Variants in CCDC88C observed in about 807,000 individuals in gnomAD.
CCDC88C encodes protein Daple.
A neutral mutation model predicts 198.8 loss-of-function variants in CCDC88C; 131 were observed. The observed-to-expected ratio is 0.66, with a 90% CI of 0.57 to 0.76. The LOEUF is 0.76. CCDC88C is among the 30% of genes least tolerant of loss of function. The pLI, the probability that CCDC88C is intolerant of heterozygous loss-of-function variation, is 0.00. For synonymous variants in CCDC88C, 1,166 were observed against 1,114.7 expected (o/e 1.05, Z -0.92); for missense variants, 2,553 against 2,631.6 (o/e 0.97, Z 0.65).
At chr14:91,295,989 G>A (rs966376916) in intron 22 of CCDC88C, among the ~76,000 whole-genome samples, 2 of 152,216 alleles carry the variant, frequency 1.3e-5, no homozygotes, top group African/African-American at 4.8e-5. Flanking sequence ...AAGCCAGGGA[G>A]AGGCCTTGGG....
chr14:91,296,294 CCT>C (rs965190710), intron 22 of CCDC88C, among the ~76,000 whole-genome samples: 1 of 152,244 alleles, frequency 6.6e-6, no homozygotes, highest in Non-Finnish European at 1.5e-5. Context: ...AAAAAGTACC[CCT>C]GTCCATTTCT....
At chr14:91,414,680 C>T (rs1470212012) in intron 2 of CCDC88C, among the ~76,000 whole-genome samples, 3 of 152,184 alleles carry the variant, frequency 2.0e-5, no homozygotes, top group Non-Finnish European at 2.9e-5. Flanking sequence ...TTTCCTCATT[C>T]TGGAAAGCCA....
intron 13 of CCDC88C, among the ~76,000 whole-genome samples, chr14:91,320,397 G>A: frequency 6.6e-6 from 1 of 152,376 alleles, no homozygotes; most frequent in East Asian, 1.9e-4. Flanking sequence ...AGGTGCTGGA[G>A]GGGCACCCGC....
At chr14:91,290,054 T>C (rs1043577251) in intron 24 of CCDC88C, among the ~76,000 whole-genome samples, 7 of 152,076 alleles carry the variant, frequency 4.6e-5, no homozygotes, top group African/African-American at 1.4e-4. Context: ...GTGGATCAAC[T>C]TGAGGTCAGG....
intron 3 of CCDC88C, among the ~76,000 whole-genome samples, chr14:91,364,290 A>T (rs1331465988): frequency 2.0e-5 from 3 of 151,836 alleles, no homozygotes; most frequent in Non-Finnish European, 4.4e-5. Context: ...GGTAGATTGC[A>T]CTCCTCCCCA....
intron 15 of CCDC88C, among the ~76,000 whole-genome samples, chr14:91,312,351 G>A (rs1410629104): frequency 6.6e-6 from 1 of 152,060 alleles, no homozygotes; most frequent in Non-Finnish European, 1.5e-5. Flanking sequence ...TCACACCACT[G>A]CACTCCAGCC....
chr14:91,337,972 C>T (rs368373700), intron 10 of CCDC88C, 33 bp downstream of exon 10: 55 of 1,604,430 alleles, frequency 3.4e-5, no homozygotes, highest in Non-Finnish European at 4.2e-5. Flanking sequence ...TTCCAGCAGC[C>T]CCATCCAGGG....
At chr14:91,344,362 C>A (rs759274922) in intron 4 of CCDC88C, among the ~76,000 whole-genome samples, 1 of 152,094 alleles carries the variant, frequency 6.6e-6, no homozygotes, top group African/African-American at 2.4e-5. Context: ...CAAACAGACA[C>A]GGGAGGACAG....
intron 3 of CCDC88C, among the ~76,000 whole-genome samples, chr14:91,372,714 C>T (rs543077006): frequency 2.0e-5 from 3 of 152,254 alleles, no homozygotes; most frequent in East Asian, 1.9e-4. Context: ...CCTGTCTGCA[C>T]GTTATCTAAA....
chr14:91,322,067 G>GA (rs1024612372), intron 12 of CCDC88C, among the ~76,000 whole-genome samples: 3 of 150,494 alleles, frequency 2.0e-5, no homozygotes, highest in Non-Finnish European at 3.0e-5. Flanking sequence ...TTGGGGAGGG[G>GA]AAAAAAAAAG....
At chr14:91,312,469 G>A (rs143136544) in intron 15 of CCDC88C, among the ~76,000 whole-genome samples, 3,164 of 152,232 alleles carry the variant, frequency 0.021, 127 homozygotes, top group African/African-American at 0.072. Flanking sequence ...GGTCACCTGA[G>A]GTCAGGCGTT....
At chr14:91,379,862 T>G (rs1227605242) in intron 3 of CCDC88C, 1 of 702,922 alleles carries the variant, frequency 1.4e-6, no homozygotes, top group Non-Finnish European at 2.6e-6. Context: ...GCAAGAAGTT[T>G]AGTTACCGGA....
chr14:91,274,615 A>G (rs1889879165), intron 29 of CCDC88C, among the ~76,000 whole-genome samples: 1 of 152,232 alleles, frequency 6.6e-6, no homozygotes, highest in African/African-American at 2.4e-5. Flanking sequence ...ACATGGTGCC[A>G]CTGGACAGAG....
intron 21 of CCDC88C, among the ~76,000 whole-genome samples, chr14:91,299,060 C>A (rs989367102): frequency 1.3e-5 from 2 of 152,208 alleles, no homozygotes; most frequent in African/African-American, 4.8e-5. Context: ...AATTAGTGAA[C>A]AGCGAAGCAT....
rs112270249 is a variant in CCDC88C at position 91,376,503 on chromosome 14, G to A, written c.271-16792C>T. 5.0e-3 allele frequency among the ~76,000 whole-genome samples: 763 copies of A among 152,316 alleles called. 3 individuals are homozygous for A. Among genetic ancestry groups the A allele is most frequent in the Non-Finnish European group, 8.4e-3 (572 of 68,022 alleles). The stretch of plus-strand genomic sequence containing the variant: ...AGGTAGTGAGGGACTTTTATCCACC[G>A]CCGTCTCTGGAGAGCCCACAGGTGG... On this transcript the variant is annotated intron_variant, in intron 3 of 29. Transcript: ENST00000389857.
chr14:91,340,226 G>C (rs1049416351), intron 6 of CCDC88C, among the ~76,000 whole-genome samples: 4 of 152,194 alleles, frequency 2.6e-5, no homozygotes, highest in Non-Finnish European at 5.9e-5. Flanking sequence ...TCTGCTTTCA[G>C]AACTGGGTCA....
rs1886368464 is a variant in CCDC88C at position 91,404,356 on chromosome 14, A to G, written c.270+4303T>C. On this transcript the variant is annotated intron_variant, in intron 3 of 29. Coordinates refer to ENST00000389857, the MANE Select transcript of CCDC88C (RefSeq NM_001080414.4). ...CGTGAATCTGGTGTATGTGATGGAG[A>G]AGGGTCACCTGGTGAGGACTGAGCT... 2.6e-5 allele frequency among the ~76,000 whole-genome samples: 4 copies of G among 152,070 alleles called. No homozygotes were observed. The South Asian group carries it at 8.3e-4, about 32-fold the overall frequency.
At chr14:91,315,836 T>A (rs748716049) in intron 13 of CCDC88C, 49 bp from the exon 14 acceptor site, 3 of 1,582,178 alleles carry the variant, frequency 1.9e-6, no homozygotes, top group Non-Finnish European at 2.6e-6. Context: ...TCCTACGAAG[T>A]GAACCATGAT....
chr14:91,310,590 T>C (rs548460276), intron 15 of CCDC88C, among the ~76,000 whole-genome samples: 1 of 152,272 alleles, frequency 6.6e-6, no homozygotes, highest in African/African-American at 2.4e-5. Flanking sequence ...TTTAAATTTT[T>C]TGTAGAGATG....
Sources: gnomAD v4.1 joint callset for allele counts (sites outside exome capture counted in the v4.1 genomes callset) on GRCh38, gnomAD v4.1.1 for gene constraint, MANE v1.5 for transcripts, NCBI Gene and HGNC (gene_info 2026-07-23, HGNC 2026-07-21) for gene names.